RAPGEF6: variants seen among roughly 807,000 people sequenced by gnomAD.
RAPGEF6 encodes Rap guanine nucleotide exchange factor 6, also known as PDZ domain containing guanine nucleotide exchange factor (GEF) 2.
A neutral mutation model predicts 171.4 loss-of-function variants in RAPGEF6; 56 were observed. That is an observed-to-expected ratio of 0.33 (90% CI 0.26 to 0.41). RAPGEF6 has a LOEUF of 0.41. Among genes scored for constraint, RAPGEF6 ranks in the 10% least tolerant of loss-of-function variants. The probability of loss-of-function intolerance (pLI) is 1.00; values close to 1 mark genes in which losing one functional copy is unlikely to be tolerated. For missense variants in RAPGEF6, 1,674 were observed against 1,921.4 expected, an observed-to-expected ratio of 0.87 and a Z score of 2.41; for synonymous variants, 692 against 650.1, an observed-to-expected ratio of 1.06 and a Z score of -0.98.
chr5:131,589,380 G>A (rs1288241693), intron 4 of RAPGEF6, among the ~76,000 whole-genome samples: 1 of 152,114 alleles, frequency 6.6e-6, no homozygotes, highest in Non-Finnish European at 1.5e-5. Flanking sequence ...ATATTCAGAG[G>A]CACTATGACA....
intron 1 of RAPGEF6, among the ~76,000 whole-genome samples, chr5:131,611,601 G>C (rs1764937394): frequency 6.6e-6 from 1 of 152,188 alleles, no homozygotes; most frequent in Admixed American, 6.5e-5. Flanking sequence ...GAACCTGGGA[G>C]GTAGAGGTTG....
chr5:131,484,051 G>A (rs549915224), intron 15 of RAPGEF6, among the ~76,000 whole-genome samples: 95 of 144,212 alleles, frequency 6.6e-4, no homozygotes, highest in Middle Eastern at 3.6e-3. Flanking sequence ...AGTGGAGATC[G>A]TGCTACTGCA....
At chr5:131,539,583 C>A (rs887359602) in intron 6 of RAPGEF6, among the ~76,000 whole-genome samples, 1 of 152,154 alleles carries the variant, frequency 6.6e-6, no homozygotes, top group Non-Finnish European at 1.5e-5. Flanking sequence ...CACACATACA[C>A]ACACACTCCA....
chr5:131,611,621 G>A (rs558831206), intron 1 of RAPGEF6, among the ~76,000 whole-genome samples: 15 of 152,156 alleles, frequency 9.9e-5, no homozygotes, highest in South Asian at 6.2e-4. Flanking sequence ...GCAGTGAGCC[G>A]GGATCATGCC....
chr5:131,601,477 A>G (rs1428203834), intron 3 of RAPGEF6, among the ~76,000 whole-genome samples: 3 of 152,206 alleles, frequency 2.0e-5, no homozygotes, highest in Non-Finnish European at 4.4e-5. Context: ...GAATTCAAAA[A>G]TAACTTTTAC....
chr5:131,511,634 ACACAGGTATGCAC>A (rs1757736669), intron 7 of RAPGEF6, among the ~76,000 whole-genome samples: 1 of 151,906 alleles, frequency 6.6e-6, no homozygotes, highest in South Asian at 2.1e-4. Flanking sequence ...ATACCTGGGA[ACACAGGTATGCAC>A]CACCCTACCC....
chr5:131,547,280 A>AC (rs1760612418), intron 6 of RAPGEF6, among the ~76,000 whole-genome samples: 1 of 152,218 alleles, frequency 6.6e-6, no homozygotes. Flanking sequence ...ACTATATTCA[A>AC]CCATCCTTTT....
chr5:131,571,699 T>C (rs1762297954), intron 4 of RAPGEF6, among the ~76,000 whole-genome samples: 1 of 152,190 alleles, frequency 6.6e-6, no homozygotes, highest in African/African-American at 2.4e-5. Context: ...GTGTTTTTGT[T>C]TTTAATTAAC....
chr5:131,435,171 T>A (rs1365944550), intron 24 of RAPGEF6, among the ~76,000 whole-genome samples: 3 of 152,216 alleles, frequency 2.0e-5, no homozygotes, highest in Non-Finnish European at 4.4e-5. Flanking sequence ...GTCGTTTCGT[T>A]AACTATTTCA....
In RAPGEF6 at chr5:131,590,608, TA is replaced by T. The variant is rs1454213578; in HGVS notation, c.281+1774del. Among the ~76,000 whole-genome samples the T allele has an allele frequency of 2.6e-5, 4 of 152,324 alleles. No homozygotes were observed. The East Asian group carries it at 7.7e-4, about 29-fold the overall frequency. On this transcript the variant is annotated intron_variant, in intron 4 of 27. Transcript: ENST00000509018. The stretch of plus-strand genomic sequence containing the variant: ...TCTTTCACACAAAAGATAAATTCCC[TA>T]ATCAGTATTATTCTTTAGAATAAAG...
At chr5:131,633,452 G>C (rs1201384019) in intron 1 of RAPGEF6, among the ~76,000 whole-genome samples, 1 of 151,888 alleles carries the variant, frequency 6.6e-6, no homozygotes, top group Non-Finnish European at 1.5e-5. Flanking sequence ...AAAAGCAGCC[G>C]GGCAACTTGG....
intron 6 of RAPGEF6, among the ~76,000 whole-genome samples, chr5:131,521,851 ACACACACACACACACACAC>A (rs1758504070): frequency 1.9e-5 from 2 of 104,404 alleles, no homozygotes; most frequent in African/African-American, 1.1e-4. Context: ...ACACACACAC[ACACACACACACACACACAC>A]ACACACACAC....
In RAPGEF6 at chr5:131,512,718, T is replaced by G. The variant is rs141631811; in HGVS notation, c.628-2227A>C. On this transcript the variant is annotated intron_variant, in intron 7 of 27. Coordinates refer to ENST00000509018, the MANE Select transcript of RAPGEF6 (RefSeq NM_016340.6). ...TTTGTACCTCCTCAAAATTCTTATT[T>G]TGAGTGATGGAATTATGAAGTGGGG... 2.0e-5 allele frequency among the ~76,000 whole-genome samples: 3 copies of G among 152,246 alleles called. No homozygotes were observed. In the East Asian group the frequency reaches 5.8e-4, roughly 29 times the overall value.
intron 1 of RAPGEF6, among the ~76,000 whole-genome samples, chr5:131,607,922 T>C (rs756011971): frequency 6.6e-6 from 1 of 152,122 alleles, no homozygotes; most frequent in South Asian, 2.1e-4. Flanking sequence ...AAGACAAATA[T>C]ATAAAACGTT....
At chr5:131,627,477 T>C (rs993622389) in intron 1 of RAPGEF6, among the ~76,000 whole-genome samples, 3 of 152,216 alleles carry the variant, frequency 2.0e-5, no homozygotes, top group African/African-American at 7.2e-5. Flanking sequence ...CATCATTTAA[T>C]ATGTGCAAAT....
chr5:131,603,404 T>C, intron 2 of RAPGEF6, 77 bp from the exon 3 acceptor site: 2 of 928,662 alleles, frequency 2.2e-6, no homozygotes, highest in Non-Finnish European at 3.3e-6. Context: ...CAACTAATTA[T>C]TATAATCTAA....
chr5:131,625,689 G>A (rs895406155), intron 1 of RAPGEF6, among the ~76,000 whole-genome samples: 3 of 151,866 alleles, frequency 2.0e-5, no homozygotes, highest in African/African-American at 4.8e-5. Context: ...GGTGGCGAGC[G>A]GCAGTAGTCC....
intron 8 of RAPGEF6, among the ~76,000 whole-genome samples, chr5:131,510,039 C>T (rs892656983): frequency 6.6e-6 from 1 of 152,162 alleles, no homozygotes; most frequent in Non-Finnish European, 1.5e-5. Flanking sequence ...CACCAAAGGC[C>T]ATTTGAATAG....
intron 6 of RAPGEF6, among the ~76,000 whole-genome samples, chr5:131,544,316 A>C (rs1221989225): frequency 1.3e-5 from 2 of 152,206 alleles, no homozygotes; most frequent in Non-Finnish European, 1.5e-5. Flanking sequence ...ATAAACAGGC[A>C]AACAGAAACA....
Sources: gnomAD v4.1 joint callset for allele counts (sites outside exome capture counted in the v4.1 genomes callset) on GRCh38, gnomAD v4.1.1 for gene constraint, MANE v1.5 for transcripts, NCBI Gene and HGNC (gene_info 2026-07-23, HGNC 2026-07-21) for gene names.